The following SGCD variants were observed in gnomAD, a reference collection of about 807,000 sequenced individuals.
SGCD encodes the protein delta-sarcoglycan.
A neutral mutation model predicts 36.6 loss-of-function variants in SGCD; 18 were observed. That is an observed-to-expected ratio of 0.49 (90% confidence interval 0.34 to 0.73). The LOEUF (loss-of-function observed/expected upper bound fraction) is 0.73. SGCD is among the 30% of genes least tolerant of loss of function. SGCD has a pLI of 0.01. For missense variants in SGCD, 387 were observed against 346.7 expected (o/e 1.12, Z -0.92); for synonymous variants, 133 against 130.6 (o/e 1.02, Z -0.12).
At chr5:156,488,941 G>C (rs1454837421) in intron 3 of SGCD, among the ~76,000 whole-genome samples, 1 of 152,042 alleles carries the variant, frequency 6.6e-6, no homozygotes, top group African/African-American at 2.4e-5. Context: ...CTGGTTGAAT[G>C]GATTAAAATT....
chr5:156,050,172 T>C (rs184841635), intron 1 of SGCD, among the ~76,000 whole-genome samples: 1 of 146,584 alleles, frequency 6.8e-6, no homozygotes, highest in Non-Finnish European at 1.5e-5. Context: ...GAGAAATCTT[T>C]CACGAAAAGA....
At chr5:156,669,368 C>G (rs1581369089) in intron 7 of SGCD, among the ~76,000 whole-genome samples, 1 of 152,090 alleles carries the variant, frequency 6.6e-6, no homozygotes, top group South Asian at 2.1e-4. Flanking sequence ...TAAGCCCCCT[C>G]CCCTCTATCT....
At chr5:156,695,645 T>C (rs1255038407) in intron 7 of SGCD, among the ~76,000 whole-genome samples, 2 of 152,054 alleles carry the variant, frequency 1.3e-5, no homozygotes, top group African/African-American at 4.8e-5. Context: ...TGTTATATCC[T>C]ATAACAATTA....
At chr5:156,634,474 C>T (rs1031420679) in intron 6 of SGCD, among the ~76,000 whole-genome samples, 5 of 152,128 alleles carry the variant, frequency 3.3e-5, no homozygotes, top group Non-Finnish European at 5.9e-5. Context: ...ACAACAACAA[C>T]AACAACAAAC....
the SGCD span, among the ~76,000 whole-genome samples, chr5:155,846,119 G>C: frequency 6.6e-5 from 10 of 152,268 alleles, no homozygotes; most frequent in African/African-American, 2.4e-4. Context: ...AAAATGACTA[G>C]AACTTTCTTA....
chr5:156,124,288 A>G (rs891977163), intron 3 of SGCD, among the ~76,000 whole-genome samples: 1 of 152,168 alleles, frequency 6.6e-6, no homozygotes, highest in Non-Finnish European at 1.5e-5. Context: ...GCATGCAGAG[A>G]TGTTTGTGCA....
chr5:156,236,251 T>C (rs953054553), intron 3 of SGCD, among the ~76,000 whole-genome samples: 3 of 152,180 alleles, frequency 2.0e-5, no homozygotes, highest in Non-Finnish European at 4.4e-5. Context: ...TGCTCTCTTA[T>C]TCACTCAAGA....
At chr5:156,409,554 TC>T (rs1282329546) in intron 3 of SGCD, among the ~76,000 whole-genome samples, 2 of 152,212 alleles carry the variant, frequency 1.3e-5, no homozygotes, top group African/African-American at 4.8e-5. Context: ...TGTGTTTCCT[TC>T]CCTTCTCTCG....
chr5:156,489,759 C>T (rs544091929), intron 3 of SGCD, among the ~76,000 whole-genome samples: 108 of 152,012 alleles, frequency 7.1e-4, no homozygotes, highest in South Asian at 1.5e-3. Flanking sequence ...TAAGCACCTA[C>T]ACCAAAGAAA....
At chr5:156,225,418 G>A (rs1029381450) in intron 3 of SGCD, among the ~76,000 whole-genome samples, 2 of 152,038 alleles carry the variant, frequency 1.3e-5, no homozygotes, top group African/African-American at 4.8e-5. Context: ...AGTGATTATT[G>A]TTTTTATTAT....
intron 3 of SGCD, among the ~76,000 whole-genome samples, chr5:156,456,719 G>A (rs770468728): frequency 2.0e-5 from 3 of 152,058 alleles, no homozygotes; most frequent in Admixed American, 1.3e-4. Flanking sequence ...TTTTGTTGAC[G>A]CCTTAATTTC....
intron 4 of SGCD, among the ~76,000 whole-genome samples, chr5:156,548,671 G>A (rs368755384): frequency 2.6e-4 from 39 of 152,132 alleles, no homozygotes; most frequent in African/African-American, 6.5e-4. Context: ...TTATAACAGT[G>A]ATATGGGTGG....
chr5:156,544,294 G>T (rs140307025), intron 4 of SGCD, among the ~76,000 whole-genome samples: 1 of 152,250 alleles, frequency 6.6e-6, no homozygotes, highest in East Asian at 1.9e-4. Flanking sequence ...TTTCCTATGG[G>T]AACTTTGGTG....
intron 3 of SGCD, among the ~76,000 whole-genome samples, chr5:156,503,591 T>C (rs1056899598): frequency 7.9e-5 from 12 of 152,198 alleles, no homozygotes; most frequent in Non-Finnish European, 1.5e-4. Flanking sequence ...ATTATCCTAA[T>C]GACTACGAAT....
intron 1 of SGCD, among the ~76,000 whole-genome samples, chr5:156,106,722 G>A (rs1211435852): frequency 2.0e-5 from 3 of 152,176 alleles, no homozygotes; most frequent in Non-Finnish European, 2.9e-5. Flanking sequence ...TATGTATCAC[G>A]TAAGTCTCTT....
At chr5:155,781,871 A>C in the SGCD span, among the ~76,000 whole-genome samples, 1 of 152,100 alleles carries the variant, frequency 6.6e-6, no homozygotes, top group African/African-American at 2.4e-5. Context: ...GAGAGAGTAT[A>C]GTTAGTGGCC....
intron 1 of SGCD, among the ~76,000 whole-genome samples, chr5:156,111,548 A>T (rs909726131): frequency 5.9e-5 from 9 of 152,214 alleles, no homozygotes; most frequent in African/African-American, 1.9e-4. Context: ...ATAATAATGC[A>T]GACAAGGGGA....
rs1237073474 is a variant in SGCD at position 156,764,815 on chromosome 5, T to A, written c.*5425T>A. ...ATCCATCAATAAACAGTCTCAAACCTTCCAACAACAGTGCTCACTGCTGCT... is the reference window on the plus strand; with the variant it reads ...ATCCATCAATAAACAGTCTCAAACCATCCAACAACAGTGCTCACTGCTGCT... On this transcript the variant is annotated 3_prime_UTR_variant, in exon 9 of 9. Coordinates refer to ENST00000337851, the MANE Select transcript of SGCD (RefSeq NM_000337.6). 6.6e-6 allele frequency: 1 copy of A among 152,224 alleles called. No individual in the cohort carries two copies. The highest frequency in any genetic ancestry group is 1.5e-5 in the Non-Finnish European group (1 of 68,040). The allele number at this position is 152,224 out of a possible 1,614,324, so 9.4% of individuals were successfully genotyped here.
chr5:156,679,192 C>A (rs1344072968), intron 7 of SGCD, among the ~76,000 whole-genome samples: 1 of 152,176 alleles, frequency 6.6e-6, no homozygotes, highest in African/African-American at 2.4e-5. Context: ...AATCTAACGT[C>A]TTTCTAAGGA....
Sources: allele counts gnomAD v4.1 joint callset (sites outside exome capture counted in the v4.1 genomes callset), GRCh38; gene constraint gnomAD v4.1.1; transcripts MANE v1.5; gene names NCBI Gene and HGNC (gene_info 2026-07-23, HGNC 2026-07-21).